The following HTT variants were observed in gnomAD, a reference collection of about 807,000 sequenced individuals.
HTT encodes the protein huntington disease protein.
Under a neutral mutation model 362.3 loss-of-function variants are expected in HTT, and 104 were observed. The observed-to-expected ratio is 0.29, with a 90% confidence interval of 0.24 to 0.34. The LOEUF is 0.34. HTT is among the 10% of genes least tolerant of loss of function. The pLI, the probability that HTT is intolerant of heterozygous loss-of-function variation, is 1.00. For missense variants in HTT, 3,301 were observed against 3,928.6 expected (o/e 0.84, Z 4.27); for synonymous variants, 1,577 against 1,548.7 (o/e 1.02, Z -0.43).
At chr4:3,095,456 A>G (rs1713808942) in intron 2 of HTT, among the ~76,000 whole-genome samples, 1 of 152,196 alleles carries the variant, frequency 6.6e-6, no homozygotes, top group Non-Finnish European at 1.5e-5. Flanking sequence ...GGGAGGTTGC[A>G]GTGAGTAGAG....
intron 33 of HTT, among the ~76,000 whole-genome samples, chr4:3,175,940 G>A (rs1718216290): frequency 6.6e-6 from 1 of 152,000 alleles, no homozygotes; most frequent in African/African-American, 2.4e-5. Context: ...GTTTCCCTAG[G>A]AGAACTGAGG....
chr4:3,142,562 C>T (rs41264723), intron 22 of HTT, among the ~76,000 whole-genome samples: 1 of 151,904 alleles, frequency 6.6e-6, no homozygotes, highest in African/African-American at 2.4e-5. Context: ...CAAAAGTGTT[C>T]GGGGCAGACT....
At chr4:3,188,846 C>G in intron 39 of HTT, 105 bp from the exon 40 acceptor site, 1 of 1,118,112 alleles carries the variant, frequency 8.9e-7, no homozygotes, top group Non-Finnish European at 1.3e-6. Context: ...TGTACTCTAC[C>G]TATATTTTTA....
At chr4:3,169,934 A>G (rs1320384846) in intron 29 of HTT, among the ~76,000 whole-genome samples, 1 of 152,168 alleles carries the variant, frequency 6.6e-6, no homozygotes, top group Non-Finnish European at 1.5e-5. Flanking sequence ...TAGGTCTTTT[A>G]AAAATGTCTC....
At chr4:3,081,934 A>C (rs539935598) in intron 1 of HTT, among the ~76,000 whole-genome samples, 3 of 151,994 alleles carry the variant, frequency 2.0e-5, no homozygotes, top group Non-Finnish European at 4.4e-5. Context: ...ACACATATAC[A>C]TTATAAAAAT....
chr4:3,192,565 G>A (rs1292613871), intron 40 of HTT, among the ~76,000 whole-genome samples: 2 of 152,214 alleles, frequency 1.3e-5, no homozygotes, highest in African/African-American at 4.8e-5. Context: ...AGACTGGACA[G>A]CATTCCATTG....
At chr4:3,149,259 T>TTGTACA (rs1345740278) in intron 26 of HTT, among the ~76,000 whole-genome samples, 9 of 152,318 alleles carry the variant, frequency 5.9e-5, no homozygotes, top group Non-Finnish European at 1.3e-4. Flanking sequence ...TGTTAACTAT[T>TTGTACA]TGTACAATGG....
intron 1 of HTT, among the ~76,000 whole-genome samples, chr4:3,085,018 GA>G (rs551509828): frequency 0.083 from 12,283 of 148,550 alleles, 1,014 homozygotes; most frequent in African/African-American, 0.21. Context: ...CGTCTCGGGG[GA>G]AAAAAAAAAA....
intron 29 of HTT, among the ~76,000 whole-genome samples, chr4:3,171,766 C>T (rs1717988141): frequency 6.6e-6 from 1 of 152,190 alleles, no homozygotes; most frequent in African/African-American, 2.4e-5. Flanking sequence ...CGTGAGCCAC[C>T]ACTCCCAGCC....
At chr4:3,168,970 A>G (rs1717839832) in intron 29 of HTT, among the ~76,000 whole-genome samples, 1 of 148,754 alleles carries the variant, frequency 6.7e-6, no homozygotes, top group South Asian at 2.1e-4. Context: ...CTGTGGCTTC[A>G]TAGTATTTTT....
chr4:3,138,597 G>A (rs1241714636), intron 21 of HTT, among the ~76,000 whole-genome samples: 1 of 152,122 alleles, frequency 6.6e-6, no homozygotes, highest in Non-Finnish European at 1.5e-5. Context: ...TTGGGCAGAA[G>A]TTGATACTTC....
chr4:3,086,138 T>C (rs1279755763), intron 1 of HTT, among the ~76,000 whole-genome samples: 1 of 152,256 alleles, frequency 6.6e-6, no homozygotes, highest in African/African-American at 2.4e-5. Context: ...TATGCCATCA[T>C]CTTCTGTACT....
intron 29 of HTT, among the ~76,000 whole-genome samples, chr4:3,169,643 A>G (rs4690011): frequency 0.49 from 74,736 of 151,394 alleles, 19,533 homozygotes; most frequent in African/African-American, 0.67. Flanking sequence ...GTGCGATATC[A>G]GCTCACTGCA....
intron 59 of HTT, 109 bp downstream of exon 59, chr4:3,229,118 C>T: frequency 9.1e-7 from 1 of 1,096,512 alleles, no homozygotes; most frequent in Non-Finnish European, 1.3e-6. Context: ...TGCACACACA[C>T]CCCTCATGCA....
At chr4:3,110,665 C>G (rs1485192809) in intron 6 of HTT, among the ~76,000 whole-genome samples, 4 of 152,176 alleles carry the variant, frequency 2.6e-5, no homozygotes, top group African/African-American at 9.7e-5. Context: ...AAATCATTTT[C>G]CCTCAGAAAT....
At chr4:3,081,975 C>A (rs1224973364) in intron 1 of HTT, among the ~76,000 whole-genome samples, 1 of 152,012 alleles carries the variant, frequency 6.6e-6, no homozygotes, top group East Asian at 1.9e-4. Flanking sequence ...AAAAACAAAG[C>A]CCTTCTTGCA....
intron 2 of HTT, among the ~76,000 whole-genome samples, chr4:3,093,651 A>G (rs1197383132): frequency 1.3e-5 from 2 of 152,156 alleles, no homozygotes; most frequent in Non-Finnish European, 2.9e-5. Context: ...AAATGCAATC[A>G]CATATATATA....
intron 36 of HTT, among the ~76,000 whole-genome samples, chr4:3,181,603 G>T (rs750665619): frequency 6.6e-6 from 1 of 151,982 alleles, no homozygotes; most frequent in Non-Finnish European, 1.5e-5. Context: ...TCTTCATAAA[G>T]CCATAGCTTT....
intron 66 of HTT, among the ~76,000 whole-genome samples, chr4:3,239,181 A>G (rs1721688017): frequency 6.6e-6 from 1 of 152,086 alleles, no homozygotes. Context: ...GGCCTCTCAG[A>G]GGGGCCGGTG....
Sources: allele counts gnomAD v4.1 joint callset (sites outside exome capture counted in the v4.1 genomes callset), GRCh38; gene constraint gnomAD v4.1.1; transcripts MANE v1.5; gene names NCBI Gene and HGNC (gene_info 2026-07-23, HGNC 2026-07-21).